Variants in MEMO1 observed in about 807,000 individuals in gnomAD.
The protein encoded by MEMO1 is protein MEMO1.
In MEMO1, 6 loss-of-function variants were observed where a neutral mutation model predicts 45.2. The ratio of observed to expected loss-of-function variants is 0.13; its 90% confidence interval spans 0.07 to 0.26. The LOEUF (loss-of-function observed/expected upper bound fraction) is 0.26. Ranked by LOEUF, MEMO1 falls within the 10% of genes least tolerant of loss-of-function variation. The probability of loss-of-function intolerance (pLI) is 1.00; values close to 1 mark genes in which losing one functional copy is unlikely to be tolerated. For synonymous variants in MEMO1, 78 were observed against 124.3 expected (o/e 0.63, Z 2.48); for missense variants, 184 against 370.5 (o/e 0.50, Z 4.13).
intron 2 of MEMO1, among the ~76,000 whole-genome samples, chr2:31,987,144 C>CA (rs1452300568): frequency 6.6e-6 from 1 of 152,082 alleles, no homozygotes; most frequent in Admixed American, 6.6e-5. Context: ...ACTGGGACTA[C>CA]AAGTGTGTAC....
At chr2:32,003,694 G>C (rs993109165) in intron 2 of MEMO1, among the ~76,000 whole-genome samples, 1 of 152,196 alleles carries the variant, frequency 6.6e-6, no homozygotes, top group African/African-American at 2.4e-5. Flanking sequence ...ATTCAGGTAG[G>C]TAGAGATTTC....
chr2:31,951,449 C>G (rs1347261440), intron 2 of MEMO1, among the ~76,000 whole-genome samples: 1 of 151,576 alleles, frequency 6.6e-6, no homozygotes, highest in African/African-American at 2.4e-5. Context: ...CATTTGGGAA[C>G]CACTGCTTCT....
chr2:31,884,512 G>C (rs923914641), intron 7 of MEMO1, among the ~76,000 whole-genome samples: 1 of 151,962 alleles, frequency 6.6e-6, no homozygotes, highest in African/African-American at 2.4e-5. Flanking sequence ...GGAACTCTTC[G>C]GCTAGATAAT....
intron 2 of MEMO1, among the ~76,000 whole-genome samples, chr2:31,974,388 AT>A (rs1298053492): frequency 3.3e-5 from 5 of 152,328 alleles, no homozygotes; most frequent in Non-Finnish European, 7.3e-5. Context: ...AAGATGGTTT[AT>A]GTAATGAATA....
intron 2 of MEMO1, among the ~76,000 whole-genome samples, chr2:32,006,607 G>A (rs1317912987): frequency 7.5e-5 from 11 of 146,198 alleles, no homozygotes; most frequent in Admixed American, 3.4e-4. Flanking sequence ...AAAAAAAAAA[G>A]GGCTGCAGCT....
intron 2 of MEMO1, among the ~76,000 whole-genome samples, chr2:32,006,964 C>CAAAAAAAA (rs67557055): frequency 1.3e-5 from 1 of 75,966 alleles, no homozygotes; most frequent in Admixed American, 1.7e-4. Context: ...GATTCCATCT[C>CAAAAAAAA]AAAAAAAAAA....
chr2:31,970,593 A>T (rs1669268763), intron 2 of MEMO1, among the ~76,000 whole-genome samples: 1 of 151,850 alleles, frequency 6.6e-6, no homozygotes, highest in South Asian at 2.1e-4. Flanking sequence ...TATAGTTCTC[A>T]TTGACACGCA....
At chr2:31,917,856 A>T in intron 6 of MEMO1, 70 bp downstream of exon 6, 1 of 987,108 alleles carries the variant, frequency 1.0e-6, no homozygotes, top group Non-Finnish European at 1.5e-6. Context: ...ACTAGGATTT[A>T]CTAGTTTTAA....
intron 2 of MEMO1, among the ~76,000 whole-genome samples, chr2:31,962,984 C>T (rs1223870355): frequency 1.3e-5 from 2 of 152,218 alleles, no homozygotes; most frequent in Non-Finnish European, 2.9e-5. Context: ...GACCCTCCCC[C>T]AAGTAAGACA....
At chr2:31,983,872 G>T (rs1670955192) in intron 2 of MEMO1, among the ~76,000 whole-genome samples, 1 of 152,210 alleles carries the variant, frequency 6.6e-6, no homozygotes, top group Non-Finnish European at 1.5e-5. Flanking sequence ...GTGCTTAAAA[G>T]TCCAAAGAAT....
chr2:31,962,355 A>T (rs1273689884), intron 2 of MEMO1, among the ~76,000 whole-genome samples: 1 of 152,128 alleles, frequency 6.6e-6, no homozygotes, highest in Non-Finnish European at 1.5e-5. Context: ...ATGCCACTGC[A>T]CTCCAGCCTG....
chr2:31,887,401 G>T (rs889872350), intron 7 of MEMO1, among the ~76,000 whole-genome samples: 6 of 152,112 alleles, frequency 3.9e-5, no homozygotes, highest in African/African-American at 1.4e-4. Context: ...TAGATTTTCA[G>T]ATACATAAAA....
intron 6 of MEMO1, among the ~76,000 whole-genome samples, chr2:31,903,155 G>C (rs1355866846): frequency 6.6e-6 from 1 of 151,878 alleles, no homozygotes; most frequent in Non-Finnish European, 1.5e-5. Context: ...CCATTAATTT[G>C]AACATTTCTC....
intron 8 of MEMO1, among the ~76,000 whole-genome samples, chr2:31,878,171 A>C (rs1309551296): frequency 3.3e-5 from 5 of 152,190 alleles, no homozygotes; most frequent in African/African-American, 1.2e-4. Flanking sequence ...AGGCAGATAC[A>C]TGACATTATC....
intron 3 of MEMO1, among the ~76,000 whole-genome samples, chr2:31,934,387 T>A (rs980737457): frequency 2.6e-5 from 4 of 151,468 alleles, no homozygotes; most frequent in African/African-American, 9.7e-5. Flanking sequence ...GTTCTTAACA[T>A]CCAGAAAGGC....
intron 2 of MEMO1, 99 bp from the exon 3 acceptor site, chr2:31,943,482 C>T (rs147279013): frequency 1.2e-6 from 1 of 838,610 alleles, no homozygotes; most frequent in Admixed American, 1.8e-5. Flanking sequence ...TGGGACTAAA[C>T]TAGCTTAATG....
At chr2:31,915,275 TG>T (rs1199466859) in intron 6 of MEMO1, among the ~76,000 whole-genome samples, 5 of 152,168 alleles carry the variant, frequency 3.3e-5, no homozygotes, top group African/African-American at 7.2e-5. Context: ...GAGGGCTGGG[TG>T]TATATGACAT....
intron 2 of MEMO1, among the ~76,000 whole-genome samples, chr2:31,978,577 C>A (rs979436400): frequency 6.6e-6 from 1 of 152,112 alleles, no homozygotes; most frequent in African/African-American, 2.4e-5. Context: ...GGACTACAGG[C>A]ACACGCCACC....
intron 6 of MEMO1, among the ~76,000 whole-genome samples, chr2:31,904,510 C>G (rs964888785): frequency 9.9e-5 from 15 of 152,206 alleles, no homozygotes; most frequent in African/African-American, 3.6e-4. Context: ...TAAGGGAGAA[C>G]AGTACACACC....
Sources: allele counts gnomAD v4.1 joint callset (sites outside exome capture counted in the v4.1 genomes callset), GRCh38; gene constraint gnomAD v4.1.1; transcripts MANE v1.5; gene names NCBI Gene and HGNC (gene_info 2026-07-23, HGNC 2026-07-21).